FAM117B: variants seen among roughly 807,000 people sequenced by gnomAD.
The protein encoded by FAM117B is protein FAM117B.
Under a neutral mutation model 52.8 loss-of-function variants are expected in FAM117B, and 22 were observed. The ratio of observed to expected loss-of-function variants is 0.42; its 90% confidence interval spans 0.30 to 0.59. FAM117B has a LOEUF of 0.59. Among genes scored for constraint, FAM117B ranks in the 20% least tolerant of loss-of-function variants. The pLI, the probability that FAM117B is intolerant of heterozygous loss-of-function variation, is 0.22. For missense variants in FAM117B, 678 were observed against 802.6 expected (o/e 0.84, Z 1.88); for synonymous variants, 309 against 324.1 (o/e 0.95, Z 0.50).
At chr2:202,646,522 C>T (rs1003862625) in intron 1 of FAM117B, among the ~76,000 whole-genome samples, 6 of 152,102 alleles carry the variant, frequency 3.9e-5, no homozygotes, top group South Asian at 2.1e-4. Context: ...AGTCCAGAGC[C>T]TGTCTCGTTA....
chr2:202,662,295 A>G (rs1690142398), intron 1 of FAM117B, among the ~76,000 whole-genome samples: 1 of 152,184 alleles, frequency 6.6e-6, no homozygotes, highest in Non-Finnish European at 1.5e-5. Flanking sequence ...ACAGAAATAC[A>G]AACACCACAT....
At chr2:202,702,691 C>T (rs1690813315) in intron 2 of FAM117B, among the ~76,000 whole-genome samples, 2 of 151,910 alleles carry the variant, frequency 1.3e-5, no homozygotes, top group Admixed American at 6.6e-5. Context: ...GTAGCTGGGA[C>T]TACAGGCGCC....
chr2:202,716,100 T>G (rs967857678), intron 2 of FAM117B, among the ~76,000 whole-genome samples: 1 of 152,180 alleles, frequency 6.6e-6, no homozygotes, highest in African/African-American at 2.4e-5. Flanking sequence ...GGAGAGGATA[T>G]CTTTTTGTTG....
At chr2:202,654,933 A>G (rs552555572) in intron 1 of FAM117B, among the ~76,000 whole-genome samples, 1 of 150,704 alleles carries the variant, frequency 6.6e-6, no homozygotes, top group Non-Finnish European at 1.5e-5. Context: ...GTATACGTTT[A>G]TATATATATA....
intron 2 of FAM117B, among the ~76,000 whole-genome samples, chr2:202,714,000 C>T (rs762344366): frequency 6.6e-6 from 1 of 152,236 alleles, no homozygotes; most frequent in Non-Finnish European, 1.5e-5. Context: ...AGCCACTGCG[C>T]CTGGCCCTCC....
chr2:202,706,581 A>G (rs1690871435), intron 2 of FAM117B, among the ~76,000 whole-genome samples: 1 of 152,242 alleles, frequency 6.6e-6, no homozygotes, highest in Non-Finnish European at 1.5e-5. Flanking sequence ...TTATAAATCT[A>G]CAAACTTGTT....
chr2:202,714,763 G>T (rs905994052), intron 2 of FAM117B, among the ~76,000 whole-genome samples: 1 of 152,022 alleles, frequency 6.6e-6, no homozygotes, highest in Non-Finnish European at 1.5e-5. Context: ...TCAAGCATCT[G>T]TTTAACAAAG....
chr2:202,641,901 A>G (rs1318452513), intron 1 of FAM117B, among the ~76,000 whole-genome samples: 1 of 150,680 alleles, frequency 6.6e-6, no homozygotes, highest in African/African-American at 2.4e-5. Flanking sequence ...GGCCTCCCAA[A>G]GTGCTGAGAT....
chr2:202,719,929 T>G (rs1472212496), intron 2 of FAM117B, among the ~76,000 whole-genome samples: 1 of 152,194 alleles, frequency 6.6e-6, no homozygotes, highest in Non-Finnish European at 1.5e-5. Context: ...AGATTCAATT[T>G]GTTACATTTT....
intron 1 of FAM117B, among the ~76,000 whole-genome samples, chr2:202,652,052 TAAAA>T (rs1227648534): frequency 1.0e-5 from 1 of 98,618 alleles, no homozygotes; most frequent in African/African-American, 3.4e-5. Context: ...AAACTCTGTC[TAAAA>T]AAAAAAAAAA....
chr2:202,764,458 C>T (rs972859443), intron 7 of FAM117B, among the ~76,000 whole-genome samples: 2 of 151,698 alleles, frequency 1.3e-5, no homozygotes, highest in African/African-American at 2.4e-5. Flanking sequence ...TTTATAAAGA[C>T]GAGGTCTCAC....
chr2:202,746,960 AAAC>A (rs146920333), intron 4 of FAM117B, among the ~76,000 whole-genome samples: 25,435 of 130,504 alleles, frequency 0.19, 2,782 homozygotes, highest in South Asian at 0.39. Flanking sequence ...AAAAAAAACA[AAAC>A]AAAAAAAAAC....
chr2:202,642,673 A>AGG (rs1197461602), intron 1 of FAM117B, among the ~76,000 whole-genome samples: 4 of 152,188 alleles, frequency 2.6e-5, no homozygotes, highest in African/African-American at 9.6e-5. Context: ...TTTAAAACTC[A>AGG]GGGATACACT....
chr2:202,703,132 T>C (rs566343183), intron 2 of FAM117B, among the ~76,000 whole-genome samples: 1 of 152,324 alleles, frequency 6.6e-6, no homozygotes, highest in South Asian at 2.1e-4. Context: ...CCAAAACTTT[T>C]TCATCACTCC....
At chr2:202,721,583 T>G (rs1008540833) in intron 2 of FAM117B, among the ~76,000 whole-genome samples, 3 of 152,212 alleles carry the variant, frequency 2.0e-5, no homozygotes, top group Admixed American at 6.5e-5. Context: ...AATTAAACCC[T>G]TTACATATAC....
At chr2:202,696,458 C>T (rs146714660) in intron 2 of FAM117B, among the ~76,000 whole-genome samples, 1,802 of 152,216 alleles carry the variant, frequency 0.012, 21 homozygotes, top group Non-Finnish European at 0.018. Flanking sequence ...AGAAAGTTTA[C>T]GAATTTATGT....
intron 5 of FAM117B, among the ~76,000 whole-genome samples, chr2:202,756,416 A>C (rs1235346463): frequency 1.3e-5 from 2 of 152,178 alleles, no homozygotes; most frequent in African/African-American, 4.8e-5. Flanking sequence ...TAGAATACAC[A>C]TGAGAATAGT....
chr2:202,730,540 C>T (rs1359100948), intron 4 of FAM117B, among the ~76,000 whole-genome samples: 6 of 151,974 alleles, frequency 3.9e-5, no homozygotes, highest in South Asian at 2.1e-4. Flanking sequence ...CGTGGTGCCG[C>T]GTGCCTATAA....
At chr2:202,748,482 A>AG (rs1357779297) in intron 4 of FAM117B, among the ~76,000 whole-genome samples, 1 of 152,180 alleles carries the variant, frequency 6.6e-6, no homozygotes, top group Non-Finnish European at 1.5e-5. Flanking sequence ...AACAGAGTGA[A>AG]GAGAAAACCT....
Sources: allele counts gnomAD v4.1 joint callset (sites outside exome capture counted in the v4.1 genomes callset), GRCh38; gene constraint gnomAD v4.1.1; transcripts MANE v1.5; gene names NCBI Gene and HGNC (gene_info 2026-07-23, HGNC 2026-07-21).